Variants in TMPRSS7 observed in about 807,000 individuals in gnomAD.
TMPRSS7 encodes the protein transmembrane serine protease 7, also known as transmembrane protease serine 7.
TMPRSS7 carries 81 observed loss-of-function variants against 95.6 expected under a neutral mutation model. That is an observed-to-expected ratio of 0.85 (90% CI 0.71 to 1.02). TMPRSS7 has a LOEUF of 1.02. Among genes scored for constraint, TMPRSS7 ranks in the 50% least tolerant of loss-of-function variants. The pLI, the probability that TMPRSS7 is intolerant of heterozygous loss-of-function variation, is 0.00. For missense variants in TMPRSS7, 945 were observed against 955.2 expected, an observed-to-expected ratio of 0.99 and a Z score of 0.14; for synonymous variants, 364 against 337.8, an observed-to-expected ratio of 1.08 and a Z score of -0.85.
intron 10 of TMPRSS7, among the ~76,000 whole-genome samples, chr3:112,061,088 C>T (rs187354921): frequency 1.3e-5 from 2 of 149,598 alleles, no homozygotes; most frequent in East Asian, 4.0e-4. Context: ...TGGGAAGAGC[C>T]TCATCTACAC....
intron 2 of TMPRSS7, chr3:112,039,814 A>G (rs980389746): frequency 6.6e-6 from 1 of 152,262 alleles, no homozygotes; most frequent in Non-Finnish European, 1.5e-5. Context: ...TGAGGGCTTT[A>G]TGAGAACAGC....
At chr3:112,057,112 T>C in exon 10 of TMPRSS7, 1 of 1,611,874 alleles carries the variant, frequency 6.2e-7, no homozygotes, top group Non-Finnish European at 8.5e-7. Context: ...GCATGGATGG[T>C]GGGAAATTAA....
intron 3 of TMPRSS7, among the ~76,000 whole-genome samples, chr3:112,044,033 A>ATTT (rs1045782661): frequency 6.6e-6 from 1 of 152,216 alleles, no homozygotes; most frequent in African/African-American, 2.4e-5. Context: ...CTTTTCACTG[A>ATTT]TTTTTCACAG....
intron 13 of TMPRSS7, among the ~76,000 whole-genome samples, chr3:112,073,089 CTT>C (rs1156538909): frequency 0.019 from 2,482 of 128,358 alleles, 20 homozygotes; most frequent in Middle Eastern, 0.047. Context: ...TGTTTCCTGA[CTT>C]TTTTTTTTTT....
chr3:112,042,012 A>G lies in TMPRSS7; in HGVS notation c.391A>G (p.Arg131Gly), dbSNP rs1333188978. Residue 131 changes from arginine (R) to glycine (G), a missense_variant, in exon 3 of 18, where the codon AGG becomes GGG. Coordinates refer to ENST00000452346, the Ensembl canonical transcript of TMPRSS7. The stretch of plus-strand genomic sequence containing the variant: ...TCCCGAATACCGACAAAAGGAGTCC[A>G]GGGAATTTCTTTCAGTGTCACGGAC... The G allele has an allele frequency of 7.7e-6, 12 of 1,551,538 alleles. No homozygotes were observed. The Admixed American group carries it at 2.4e-4, about 30-fold the overall frequency.
At chr3:112,058,221 T>C (rs11716665) in intron 10 of TMPRSS7, among the ~76,000 whole-genome samples, 84,951 of 152,086 alleles carry the variant, frequency 0.56, 26,202 homozygotes, top group East Asian at 0.85. Context: ...ACAGACTACT[T>C]GCAAAATAAC....
intron 1 of TMPRSS7, among the ~76,000 whole-genome samples, chr3:112,036,293 G>T (rs909458228): frequency 6.6e-6 from 1 of 152,152 alleles, no homozygotes; most frequent in Non-Finnish European, 1.5e-5. Context: ...CTGTGGACAG[G>T]CATAGTGGCT....
At chr3:112,074,223 A>C (rs754343964) in intron 13 of TMPRSS7, 73 bp from the exon 14 acceptor site, 2 of 1,040,054 alleles carry the variant, frequency 1.9e-6, no homozygotes, top group Admixed American at 1.8e-5. Flanking sequence ...GTTTGGAGTT[A>C]TTCATTCAAA....
intron 9 of TMPRSS7, among the ~76,000 whole-genome samples, chr3:112,056,468 G>A (rs757817982): frequency 3.9e-5 from 6 of 152,108 alleles, no homozygotes; most frequent in Non-Finnish European, 4.4e-5. Flanking sequence ...TGCATAGTGT[G>A]TGTGTGCATG....
intron 13 of TMPRSS7, among the ~76,000 whole-genome samples, chr3:112,072,256 T>C (rs2073657850): frequency 6.6e-6 from 1 of 152,368 alleles, no homozygotes; most frequent in South Asian, 2.1e-4. Flanking sequence ...CAGATGCTGT[T>C]TTCCTGGGTA....
chr3:112,069,160 C>A (rs1318558525), intron 13 of TMPRSS7, among the ~76,000 whole-genome samples: 3 of 152,138 alleles, frequency 2.0e-5, no homozygotes, highest in East Asian at 3.9e-4. Context: ...GCCTTGTGTC[C>A]CAAAGATGAA....
chr3:112,063,386 T>C, intron 11 of TMPRSS7, 139 bp from the exon 12 acceptor site: 1 of 653,520 alleles, frequency 1.5e-6, no homozygotes, highest in Non-Finnish European at 2.7e-6. Context: ...CAGCCTTCAT[T>C]TGATGAAGAC....
intron 13 of TMPRSS7, among the ~76,000 whole-genome samples, chr3:112,070,655 G>C (rs1206717576): frequency 6.6e-6 from 1 of 152,106 alleles, no homozygotes; most frequent in African/African-American, 2.4e-5. Flanking sequence ...TGCAACCTCT[G>C]CTTTTTTTTG....
At chr3:112,063,660 T>A in intron 12 of TMPRSS7, 28 bp downstream of exon 12, 1 of 1,555,494 alleles carries the variant, frequency 6.4e-7, no homozygotes, top group African/African-American at 1.4e-5. Context: ...TAATATGACT[T>A]TCTTATGAAT....
chr3:112,070,939 A>G (rs982850334), intron 13 of TMPRSS7, among the ~76,000 whole-genome samples: 5 of 152,198 alleles, frequency 3.3e-5, no homozygotes, highest in African/African-American at 1.2e-4. Context: ...CATTTAGCCC[A>G]TTTACATTTA....
intron 13 of TMPRSS7, among the ~76,000 whole-genome samples, chr3:112,073,699 C>T (rs2073679705): frequency 6.6e-6 from 1 of 152,114 alleles, no homozygotes; most frequent in East Asian, 1.9e-4. Flanking sequence ...TGCCTGTTCA[C>T]TCTGATGGTA....
At chr3:112,055,466 G>C (rs774772) in intron 9 of TMPRSS7, among the ~76,000 whole-genome samples, 135,850 of 151,042 alleles carry the variant, frequency 0.9, 61,712 homozygotes, top group East Asian at 1. Context: ...CACACACACA[G>C]ACACACACAC....
chr3:112,042,095 G>C, intron 3 of TMPRSS7, 45 bp downstream of exon 3: 1 of 1,484,284 alleles, frequency 6.7e-7, no homozygotes, highest in Middle Eastern at 1.7e-4. Context: ...GTGGGTTTGC[G>C]GGGAGGTGGG....
At chr3:112,049,817 T>C in intron 7 of TMPRSS7, 27 bp from the exon 8 acceptor site, 1 of 1,500,706 alleles carries the variant, frequency 6.7e-7, no homozygotes, top group East Asian at 2.3e-5. Context: ...ATTATTCATG[T>C]ACTTTTGTTT....
Sources: allele counts gnomAD v4.1 joint callset (sites outside exome capture counted in the v4.1 genomes callset), GRCh38; gene constraint gnomAD v4.1.1; transcripts MANE v1.5; gene names NCBI Gene and HGNC (gene_info 2026-07-23, HGNC 2026-07-21).